The following SHOX variants were observed in gnomAD, a reference collection of about 807,000 sequenced individuals.
The protein encoded by SHOX is short stature homeobox protein.
SHOX carries 12 observed loss-of-function variants against 29.6 expected under a neutral mutation model. That is an observed-to-expected ratio of 0.41 (90% CI 0.26 to 0.66). The LOEUF is 0.66. Among genes scored for constraint, SHOX ranks in the 30% least tolerant of loss-of-function variants. The probability of loss-of-function intolerance (pLI) is 0.35; values close to 1 mark genes in which losing one functional copy is unlikely to be tolerated. For synonymous variants in SHOX, 214 were observed against 200.6 expected, an observed-to-expected ratio of 1.07 and a Z score of -0.57; for missense variants, 499 against 437.7, an observed-to-expected ratio of 1.14 and a Z score of -1.25.
At chrX:638,469 G>C (rs1349851007) in intron 2 of SHOX, among the ~76,000 whole-genome samples, 2 of 152,158 alleles carry the variant, frequency 1.3e-5, no homozygotes, top group African/African-American at 4.8e-5. Flanking sequence ...GAGGTCTGAA[G>C]GCGCCAGCTT....
chrX:626,738 CTCTG>C (rs1289330487), upstream of SHOX, among the ~76,000 whole-genome samples: 2 of 151,326 alleles, frequency 1.3e-5, no homozygotes, highest in African/African-American at 4.9e-5. Flanking sequence ...CTCTGTCTCT[CTCTG>C]TGTCTCTACC....
intron 4 of SHOX, among the ~76,000 whole-genome samples, chrX:642,214 C>T (rs1440574596): frequency 6.6e-6 from 1 of 152,056 alleles, no homozygotes; most frequent in Admixed American, 6.5e-5. Context: ...TGCCTGAACG[C>T]GCAGCGCAGC....
At chrX:644,346 C>G in intron 4 of SHOX, 45 bp from the exon 5 acceptor site, 1 of 1,502,902 alleles carries the variant, frequency 6.7e-7, no homozygotes, top group Non-Finnish European at 8.8e-7. Context: ...GCAGGCCCCC[C>G]AGTCCCCATC....
At chrX:625,937 T>C (rs1383401062), upstream of SHOX, among the ~76,000 whole-genome samples, 1 of 111,908 alleles carries the variant, frequency 8.9e-6, no homozygotes, top group Non-Finnish European at 1.9e-5. Context: ...CTGTCTCTCT[T>C]TCTCTCTGTC....
intron 2 of SHOX, among the ~76,000 whole-genome samples, chrX:636,107 T>C (rs889602958): frequency 2.6e-5 from 4 of 151,408 alleles, no homozygotes; most frequent in Non-Finnish European, 5.9e-5. Context: ...CCAAAGTGTG[T>C]TACATCTTTC....
chrX:651,603 A>G (rs1258540070), downstream of SHOX: 1 of 280,408 alleles, frequency 3.6e-6, no homozygotes, highest in East Asian at 8.8e-5. Flanking sequence ...TTAAAAAAAA[A>G]AAAATTCTCA....
intron 5 of SHOX, among the ~76,000 whole-genome samples, chrX:658,513 C>T (rs1377926127): frequency 6.6e-6 from 1 of 150,660 alleles, no homozygotes; most frequent in Non-Finnish European, 1.5e-5. Context: ...CTCTGTCACC[C>T]AGGCTGGAGT....
intron 5 of SHOX, among the ~76,000 whole-genome samples, chrX:656,638 G>T (rs1603291866): frequency 6.6e-6 from 1 of 152,148 alleles, no homozygotes; most frequent in Non-Finnish European, 1.5e-5. Context: ...TCATGAGATC[G>T]AGACCATCCT....
upstream of SHOX, among the ~76,000 whole-genome samples, chrX:629,543 C>G (rs1490283935): frequency 6.6e-6 from 1 of 151,154 alleles, no homozygotes; most frequent in Non-Finnish European, 1.5e-5. Context: ...CTCCATCTCC[C>G]CGTCTCTCCG....
rs771607849 is a variant in SHOX, at chrX:644,170, G to A, written c.634-221G>A. Among the ~76,000 whole-genome samples, 240 of 152,264 alleles carry A rather than the reference G, an allele frequency of 1.6e-3. 1 individual carries two copies. Among genetic ancestry groups the A allele is most frequent in the African/African-American group, 5.5e-3 (229 of 41,566 alleles). On this transcript the variant is annotated intron_variant, in intron 4 of 4. Transcript: ENST00000686671. ...CCATGCGCTTTGCAGGGAGCTGTTC[G>A]GATTCCCCTGGCCCGGCTCCCGCGG... is the stretch of plus-strand genomic sequence containing the variant.
chrX:632,846 G>A (rs1323736016), intron 1 of SHOX, among the ~76,000 whole-genome samples: 1 of 152,100 alleles, frequency 6.6e-6, no homozygotes, highest in Admixed American at 6.5e-5. Flanking sequence ...TTGAGGGCCT[G>A]CGTGTAATTT....
In SHOX at chrX:646,750, TAG is replaced by T. The variant is rs1192427308; in HGVS notation, c.*2119_*2120del. The T allele has an allele frequency of 2.0e-5, 3 of 151,838 alleles. No homozygotes were observed. Among genetic ancestry groups the T allele is most frequent in the African/African-American group, 7.3e-5 (3 of 41,318 alleles). 9.4% of individuals were successfully genotyped at this position (151,838 alleles called of 1,614,324 possible). ...AAAGAATCCCAGACATTAACGGTATTAGAGAGTTTGCCTCATTCATCCATTTT... is the reference window on the plus strand; with the variant it reads ...AAAGAATCCCAGACATTAACGGTATTAGAGTTTGCCTCATTCATCCATTTT... On this transcript the variant is annotated 3_prime_UTR_variant, in exon 5 of 5. Transcript: ENST00000686671.
Position 647,254 on chromosome X carries a change from T to C in SHOX, c.*2618T>C, listed in dbSNP as rs28600866. On this transcript the variant is annotated 3_prime_UTR_variant, in exon 5 of 5. Coordinates refer to ENST00000686671, the MANE Select transcript of SHOX (RefSeq NM_000451.4). ...ACCAGGCCTGGGTAACTTTCTGGTA[T>C]TTTTAGTAGAGACAGGGTTTCAGCC... 1.3e-3 allele frequency among the ~76,000 whole-genome samples: 172 copies of C among 128,268 alleles called. 1 individual carries two copies. The highest frequency in any genetic ancestry group is 2.4e-3 in the Non-Finnish European group (142 of 59,946). 84.1% of individuals were successfully genotyped at this position (128,268 alleles called of 152,430 possible). A position where few individuals can be genotyped will look rare whatever the true frequency, so the allele number is the denominator to read the frequency against.
At chrX:637,879 T>C (rs1296851909) in intron 2 of SHOX, among the ~76,000 whole-genome samples, 1 of 152,220 alleles carries the variant, frequency 6.6e-6, no homozygotes, top group Non-Finnish European at 1.5e-5. Context: ...ATAGAAGCTG[T>C]TGCTGATTAA....
downstream of SHOX, among the ~76,000 whole-genome samples, chrX:651,620 C>A (rs984560730): frequency 6.8e-6 from 1 of 147,458 alleles, no homozygotes; most frequent in Non-Finnish European, 1.5e-5. Flanking sequence ...CTCAACCTCT[C>A]CCCTGAGGAC....
intron 5 of SHOX, among the ~76,000 whole-genome samples, chrX:656,627 G>T (rs1421108877): frequency 6.6e-6 from 1 of 152,102 alleles, no homozygotes; most frequent in African/African-American, 2.4e-5. Context: ...GGATCACGAG[G>T]TCATGAGATC....
chrX:652,053 G>C (rs375020119), downstream of SHOX, among the ~76,000 whole-genome samples: 1 of 152,048 alleles, frequency 6.6e-6, no homozygotes, highest in African/African-American at 2.4e-5. Flanking sequence ...CTCCCGAGTA[G>C]CTGGGATGAC....
intron 2 of SHOX, 82 bp downstream of exon 2, chrX:634,908 C>T: frequency 7.2e-7 from 1 of 1,397,522 alleles, no homozygotes; most frequent in Non-Finnish European, 9.6e-7. Flanking sequence ...CAGCCACCTG[C>T]GCCCGGGCCG....
intron 5 of SHOX, chrX:658,743 T>C (rs765361071): frequency 1.4e-5 from 5 of 363,640 alleles, no homozygotes; most frequent in Admixed American, 2.8e-5. Context: ...GTGCTGGGAC[T>C]ACAGGCGTGA....
Sources: gnomAD v4.1 joint callset for allele counts (sites outside exome capture counted in the v4.1 genomes callset) on GRCh38, gnomAD v4.1.1 for gene constraint, MANE v1.5 for transcripts, NCBI Gene and HGNC (gene_info 2026-07-23, HGNC 2026-07-21) for gene names.